The following MED13L variants were observed in gnomAD, a reference collection of about 807,000 sequenced individuals.
MED13L encodes mediator complex subunit 13L.
In MED13L, 7 loss-of-function variants were observed where a neutral mutation model predicts 220.9. The observed-to-expected ratio is 0.03, with a 90% confidence interval of 0.02 to 0.06. The LOEUF is 0.06. Among genes scored for constraint, MED13L ranks in the 10% least tolerant of loss-of-function variants. The pLI is 1.00. For missense variants in MED13L, 1,965 were observed against 2,760.5 expected, an observed-to-expected ratio of 0.71 and a Z score of 6.46; for synonymous variants, 1,011 against 1,015.2, an observed-to-expected ratio of 1.00 and a Z score of 0.08.
chr12:115,968,858 G>C, intron 28 of MED13L, 82 bp downstream of exon 28: 1 of 1,545,444 alleles, frequency 6.5e-7, no homozygotes, highest in South Asian at 1.1e-5. Flanking sequence ...GTGCAAGTAG[G>C]AACAAGATGA....
intron 23 of MED13L, among the ~76,000 whole-genome samples, chr12:115,979,811 T>C (rs770966141): frequency 7.9e-5 from 12 of 152,220 alleles, no homozygotes; most frequent in Non-Finnish European, 1.5e-4. Context: ...ATTCTGAACA[T>C]TGCTTTTTAT....
At chr12:116,102,710 CTTTTTTTTTT>C (rs869201518) in intron 3 of MED13L, among the ~76,000 whole-genome samples, 5,487 of 68,190 alleles carry the variant, frequency 0.08, 49 homozygotes, top group South Asian at 0.16. Context: ...TTTCTTTTTT[CTTTTTTTTTT>C]TTTTTTTTTT....
At chr12:116,095,104 G>A (rs997476987) in intron 4 of MED13L, among the ~76,000 whole-genome samples, 1 of 152,194 alleles carries the variant, frequency 6.6e-6, no homozygotes, top group African/African-American at 2.4e-5. Context: ...AGAGGTTGCA[G>A]TGAGCCGAGA....
At chr12:116,159,719 G>A (rs1878717652) in intron 2 of MED13L, among the ~76,000 whole-genome samples, 1 of 151,720 alleles carries the variant, frequency 6.6e-6, no homozygotes. Context: ...GAATTAAAAA[G>A]GTGGTACTGT....
chr12:116,135,128 C>CACT (rs1876423544), intron 2 of MED13L, among the ~76,000 whole-genome samples: 4 of 152,302 alleles, frequency 2.6e-5, no homozygotes, highest in African/African-American at 9.6e-5. Flanking sequence ...GAGATTGTGC[C>CACT]ACTGTACTCC....
At chr12:116,147,819 A>G (rs1877660474) in intron 2 of MED13L, among the ~76,000 whole-genome samples, 1 of 152,086 alleles carries the variant, frequency 6.6e-6, no homozygotes, top group African/African-American at 2.4e-5. Context: ...GCTAATTTAA[A>G]AAACTACCCA....
intron 1 of MED13L, among the ~76,000 whole-genome samples, chr12:116,267,645 T>C (rs1464139642): frequency 6.6e-6 from 1 of 152,210 alleles, no homozygotes; most frequent in Non-Finnish European, 1.5e-5. Context: ...AACTCAAGTT[T>C]CCCTACTACC....
At chr12:116,197,875 C>T (rs1881741561) in intron 2 of MED13L, among the ~76,000 whole-genome samples, 1 of 151,798 alleles carries the variant, frequency 6.6e-6, no homozygotes, top group Non-Finnish European at 1.5e-5. Flanking sequence ...AGTAGTGTAA[C>T]ATTTTAAATT....
intron 1 of MED13L, among the ~76,000 whole-genome samples, chr12:116,263,248 C>T (rs1392887036): frequency 6.6e-6 from 1 of 151,806 alleles, no homozygotes; most frequent in Non-Finnish European, 1.5e-5. Context: ...TGACAGGATT[C>T]CCATTCTCTT....
At chr12:116,019,437 G>C (rs373641693) in intron 6 of MED13L, 25 bp from the exon 7 acceptor site, 92 of 1,609,670 alleles carry the variant, frequency 5.7e-5, no homozygotes, top group Non-Finnish European at 7.0e-5. Flanking sequence ...AACAAGGAAA[G>C]AATCAGGACT....
intron 3 of MED13L, among the ~76,000 whole-genome samples, chr12:116,109,426 G>A (rs763623395): frequency 2.0e-4 from 31 of 151,270 alleles, no homozygotes; most frequent in African/African-American, 6.1e-4. Flanking sequence ...ATTGTCTCTC[G>A]ACAAAGAAAC....
At chr12:116,178,157 C>T (rs1178807677) in intron 2 of MED13L, among the ~76,000 whole-genome samples, 1 of 151,622 alleles carries the variant, frequency 6.6e-6, no homozygotes, top group Non-Finnish European at 1.5e-5. Context: ...GATTACACCA[C>T]GCCTAGCCTC....
chr12:116,089,652 C>G (rs1445996392), intron 4 of MED13L, among the ~76,000 whole-genome samples: 1 of 152,082 alleles, frequency 6.6e-6, no homozygotes, highest in Non-Finnish European at 1.5e-5. Flanking sequence ...AGACAACATT[C>G]CCCTCTCGCC....
At chr12:116,225,025 G>A (rs990541379) in intron 2 of MED13L, among the ~76,000 whole-genome samples, 23 of 152,072 alleles carry the variant, frequency 1.5e-4, no homozygotes, top group Non-Finnish European at 2.8e-4. Flanking sequence ...CTTGAAGGGT[G>A]CTTTTAAAGC....
At position 116,277,149 on chromosome 12, in the gene MED13L, G is replaced by C; in HGVS notation, c.-18C>G. The C allele has an allele frequency of 6.4e-7, 1 of 1,558,898 alleles. No individual in the cohort carries two copies. Among genetic ancestry groups the C allele is most frequent in the Non-Finnish European group, 8.7e-7 (1 of 1,152,636 alleles). The stretch of plus-strand genomic sequence containing the variant: ...GCAGTCATGATCCTCCGCGAGCCCG[G>C]CCGCCAGAGCGGGGCATGTCGGAGC... On this transcript the variant is annotated 5_prime_UTR_variant, in exon 1 of 31. Transcript: ENST00000281928.
intron 4 of MED13L, among the ~76,000 whole-genome samples, chr12:116,044,929 G>A (rs1016596014): frequency 1.3e-5 from 2 of 152,126 alleles, no homozygotes; most frequent in African/African-American, 2.4e-5. Flanking sequence ...GTAAATTTGG[G>A]TGGATCCATT....
At chr12:115,963,841 G>A (rs922000238) in intron 29 of MED13L, among the ~76,000 whole-genome samples, 1 of 152,070 alleles carries the variant, frequency 6.6e-6, no homozygotes, top group South Asian at 2.1e-4. Context: ...ATATCGCCAA[G>A]ATGCAACAAT....
intron 2 of MED13L, among the ~76,000 whole-genome samples, chr12:116,159,790 C>A (rs982605681): frequency 2.6e-5 from 4 of 152,174 alleles, no homozygotes; most frequent in Non-Finnish European, 5.9e-5. Context: ...AATTCCATAA[C>A]AGCTTCTCTT....
chr12:116,120,477 T>TCTCTCA (rs1257256737), intron 2 of MED13L, among the ~76,000 whole-genome samples: 164 of 79,462 alleles, frequency 2.1e-3, no homozygotes, highest in South Asian at 3.6e-3. Flanking sequence ...TCTCTCTCTC[T>TCTCTCA]CACACACACA....
Sources: gnomAD v4.1 joint callset for allele counts (sites outside exome capture counted in the v4.1 genomes callset) on GRCh38, gnomAD v4.1.1 for gene constraint, MANE v1.5 for transcripts, NCBI Gene and HGNC (gene_info 2026-07-23, HGNC 2026-07-21) for gene names.